The following RYR2 variants were observed in gnomAD, a reference collection of about 807,000 sequenced individuals.
RYR2 encodes the protein cardiac muscle ryanodine receptor-calcium release channel.
RYR2 carries 227 observed loss-of-function variants against 601.1 expected under a neutral mutation model. The ratio of observed to expected loss-of-function variants is 0.38; its 90% CI spans 0.34 to 0.42. RYR2 has a LOEUF of 0.42. Among genes scored for constraint, RYR2 ranks in the 10% least tolerant of loss-of-function variants. The probability of loss-of-function intolerance (pLI) is 1.00; values close to 1 mark genes in which losing one functional copy is unlikely to be tolerated. For missense variants in RYR2, 4,646 were observed against 6,156.5 expected (o/e 0.75, Z 8.21); for synonymous variants, 2,223 against 2,175.1 (o/e 1.02, Z -0.61).
intron 83 of RYR2, among the ~76,000 whole-genome samples, chr1:237,760,530 T>C (rs761414036): frequency 6.6e-6 from 1 of 152,202 alleles, no homozygotes; most frequent in African/African-American, 2.4e-5. Context: ...TGTGACTAAA[T>C]GATCACTAAC....
chr1:237,127,753 C>T lies in RYR2; in HGVS notation c.48+85184C>T, dbSNP rs1315528842. ...GCTCCTCACATCCCAGACGGGGCGG[C>T]GGGGCAGAGGCGCTCCTCACATCCC... On this transcript the variant is annotated intron_variant, in intron 1 of 104. Transcript: ENST00000366574. Among the ~76,000 whole-genome samples the T allele has an allele frequency of 1.1e-4, 17 of 150,342 alleles. 1 individual carries two copies. The highest frequency in any genetic ancestry group is 1.1e-3 in the South Asian group (5 of 4,728).
chr1:237,557,487 C>T (rs780962374), intron 27 of RYR2, among the ~76,000 whole-genome samples: 12 of 151,628 alleles, frequency 7.9e-5, no homozygotes, highest in Non-Finnish European at 1.5e-4. Context: ...TTTCAGAGAG[C>T]TTTGTACGAC....
Position 237,708,986 on chromosome 1 carries a change from G to T in RYR2, c.10030G>T (p.Ala3344Ser), listed in dbSNP as rs796661603. Residue 3344 changes from alanine (A) to serine (S), a missense_variant, in exon 69 of 105, where the codon GCC (alanine) becomes TCC (serine). Ala to Ser is a moderately conservative substitution (Grantham distance 99). Coordinates refer to ENST00000366574, the MANE Select transcript of RYR2 (RefSeq NM_001035.3). ...TGAGGAAGACCACCTGAAAGCTGAG[G>T]CCAGGGGGGACATGTCGGAGGCAGA... ...VSEEDHLKAE[A>S]RGDMSEAELL... 6.2e-7 allele frequency: 1 copy of T among 1,613,776 alleles called. No individual in the cohort carries two copies. The highest frequency in any genetic ancestry group is 1.7e-5 in the Admixed American group (1 of 59,984).
intron 8 of RYR2, among the ~76,000 whole-genome samples, chr1:237,379,080 A>G (rs1355316031): frequency 6.6e-6 from 1 of 152,188 alleles, no homozygotes; most frequent in Non-Finnish European, 1.5e-5. Context: ...TGTTAAGATG[A>G]TGTATTTTGA....
At chr1:237,558,970 A>G (rs1464170579) in intron 27 of RYR2, among the ~76,000 whole-genome samples, 1 of 148,496 alleles carries the variant, frequency 6.7e-6, no homozygotes, top group Non-Finnish European at 1.5e-5. Context: ...ATTGATATTC[A>G]CTATTTGGTG....
intron 38 of RYR2, 82 bp from the exon 39 acceptor site, chr1:237,623,683 C>A: frequency 1.2e-6 from 1 of 848,536 alleles, no homozygotes; most frequent in Non-Finnish European, 1.9e-6. Context: ...TGAGCCACTC[C>A]GCCCGGCCCT....
chr1:237,447,309 T>C (rs912584587), intron 14 of RYR2, among the ~76,000 whole-genome samples: 2 of 152,198 alleles, frequency 1.3e-5, no homozygotes, highest in African/African-American at 4.8e-5. Flanking sequence ...CTGGCTGAAA[T>C]ACCAAAATTC....
At chr1:237,241,117 TGAG>T (rs1196436765) in intron 1 of RYR2, among the ~76,000 whole-genome samples, 3 of 152,142 alleles carry the variant, frequency 2.0e-5, no homozygotes, top group Admixed American at 6.6e-5. Flanking sequence ...CAGCCAGTAA[TGAG>T]GAGAGAAGAG....
chr1:237,212,538 G>T (rs1682693027), intron 1 of RYR2, among the ~76,000 whole-genome samples: 1 of 152,098 alleles, frequency 6.6e-6, no homozygotes, highest in African/African-American at 2.4e-5. Context: ...CCAGGTGTTG[G>T]AGGCTGCAGG....
chr1:237,046,771 A>G (rs1379070484), intron 1 of RYR2, among the ~76,000 whole-genome samples: 1 of 152,148 alleles, frequency 6.6e-6, no homozygotes, highest in Non-Finnish European at 1.5e-5. Flanking sequence ...AGCTTTCGGG[A>G]GAGAGGGAGA....
At chr1:237,057,773 A>T (rs934026227) in intron 1 of RYR2, among the ~76,000 whole-genome samples, 2 of 152,130 alleles carry the variant, frequency 1.3e-5, no homozygotes, top group African/African-American at 4.8e-5. Flanking sequence ...ACAAGATGGG[A>T]TAGAGATGCC....
At chr1:237,194,354 T>C (rs1245423411) in intron 1 of RYR2, among the ~76,000 whole-genome samples, 3 of 152,106 alleles carry the variant, frequency 2.0e-5, no homozygotes, top group Non-Finnish European at 2.9e-5. Context: ...TATAACCCCT[T>C]TGTTGGACCC....
intron 63 of RYR2, among the ~76,000 whole-genome samples, chr1:237,697,961 A>G (rs1276142745): frequency 1.3e-5 from 2 of 152,154 alleles, no homozygotes; most frequent in African/African-American, 2.4e-5. Flanking sequence ...TGGCTTGCCC[A>G]TGTTCTAATA....
intron 1 of RYR2, among the ~76,000 whole-genome samples, chr1:237,133,815 C>T (rs1047578825): frequency 6.6e-6 from 1 of 150,724 alleles, no homozygotes; most frequent in Admixed American, 6.7e-5. Context: ...ATCCCAGCTA[C>T]TCAGGAGGCT....
intron 25 of RYR2, among the ~76,000 whole-genome samples, chr1:237,536,321 C>A (rs774402227): frequency 5.3e-5 from 8 of 152,184 alleles, no homozygotes; most frequent in African/African-American, 1.4e-4. Flanking sequence ...CTGTTAATCC[C>A]AGCACTTTGG....
intron 16 of RYR2, among the ~76,000 whole-genome samples, chr1:237,466,670 G>A (rs976602133): frequency 2.0e-5 from 3 of 151,490 alleles, no homozygotes; most frequent in Non-Finnish European, 4.4e-5. Flanking sequence ...TTTATTTGAT[G>A]TTCTTTTCCT....
chr1:237,523,013 A>G (rs1207244511), intron 24 of RYR2, among the ~76,000 whole-genome samples: 2 of 152,196 alleles, frequency 1.3e-5, no homozygotes, highest in African/African-American at 2.4e-5. Context: ...TGAGTTAAAC[A>G]ATGTTAAATC....
intron 34 of RYR2, among the ~76,000 whole-genome samples, chr1:237,601,243 T>G (rs2148506676): frequency 6.6e-6 from 1 of 152,296 alleles, no homozygotes; most frequent in Admixed American, 6.5e-5. Context: ...AGTGGAATAC[T>G]ATTTGGTCAT....
chr1:237,171,794 G>A (rs1001815581), intron 1 of RYR2, among the ~76,000 whole-genome samples: 2 of 152,200 alleles, frequency 1.3e-5, no homozygotes, highest in African/African-American at 4.8e-5. Context: ...CACACCCAGT[G>A]AGTAATGGTA....
Sources: gnomAD v4.1 joint callset for allele counts (sites outside exome capture counted in the v4.1 genomes callset) on GRCh38, gnomAD v4.1.1 for gene constraint, MANE v1.5 for transcripts, NCBI Gene and HGNC (gene_info 2026-07-23, HGNC 2026-07-21) for gene names.